KCNMA1: variants seen among roughly 807,000 people sequenced by gnomAD.
KCNMA1 encodes potassium calcium-activated channel subfamily M alpha 1.
In KCNMA1, 29 loss-of-function variants were observed where a neutral mutation model predicts 140.0. The ratio of observed to expected loss-of-function variants is 0.21; its 90% CI spans 0.15 to 0.28. The LOEUF (loss-of-function observed/expected upper bound fraction) is 0.28, where lower values mean the gene tolerates loss of function less well. Ranked by LOEUF, KCNMA1 falls within the 10% of genes least tolerant of loss-of-function variation. The pLI is 1.00. For synonymous variants in KCNMA1, 612 were observed against 611.9 expected (o/e 1.00, Z 0.00); for missense variants, 880 against 1,602.2 (o/e 0.55, Z 7.70).
chr10:77,256,295 A>T (rs765689452), intron 2 of KCNMA1, among the ~76,000 whole-genome samples: 31 of 152,166 alleles, frequency 2.0e-4, no homozygotes, highest in Non-Finnish European at 2.8e-4. Flanking sequence ...TGGGAGGCAG[A>T]TTCAGAGCCA....
intron 1 of KCNMA1, among the ~76,000 whole-genome samples, chr10:77,542,725 A>G (rs2060467839): frequency 6.6e-6 from 1 of 152,128 alleles, no homozygotes; most frequent in Admixed American, 6.5e-5. Flanking sequence ...ACTGGCACAC[A>G]CTCATACTAT....
chr10:77,136,967 G>T (rs2154007750), intron 5 of KCNMA1, among the ~76,000 whole-genome samples: 2 of 152,262 alleles, frequency 1.3e-5, no homozygotes, highest in South Asian at 4.1e-4. Context: ...GAAACTTGCT[G>T]CCCAGGGCCT....
At chr10:77,315,143 G>T (rs1017790834) in intron 2 of KCNMA1, among the ~76,000 whole-genome samples, 1 of 152,280 alleles carries the variant, frequency 6.6e-6, no homozygotes, top group South Asian at 2.1e-4. Flanking sequence ...GAAAAGGCAG[G>T]GAAGGGCATC....
intron 19 of KCNMA1, among the ~76,000 whole-genome samples, chr10:76,999,445 C>T (rs375066447): frequency 2.0e-5 from 3 of 152,110 alleles, no homozygotes; most frequent in African/African-American, 2.4e-5. Context: ...AAGAGTAACC[C>T]GGGGGCTTGT....
intron 3 of KCNMA1, among the ~76,000 whole-genome samples, chr10:77,206,488 A>G (rs2044154649): frequency 6.6e-6 from 1 of 152,148 alleles, no homozygotes; most frequent in East Asian, 1.9e-4. Context: ...GTCATGCGCC[A>G]AACTTCTATC....
intron 1 of KCNMA1, among the ~76,000 whole-genome samples, chr10:77,509,153 C>T (rs2047420994): frequency 6.6e-6 from 1 of 151,728 alleles, no homozygotes; most frequent in Admixed American, 6.6e-5. Context: ...CAGAGTATCA[C>T]TCTGTCACCC....
chr10:77,405,154 T>C (rs923309944), intron 1 of KCNMA1, among the ~76,000 whole-genome samples: 3 of 152,234 alleles, frequency 2.0e-5, no homozygotes, highest in Non-Finnish European at 4.4e-5. Context: ...TGGAATACTC[T>C]TCTCCCACAG....
At chr10:76,951,981 C>T in intron 21 of KCNMA1, 1 of 1,505,760 alleles carries the variant, frequency 6.6e-7, no homozygotes, top group South Asian at 1.2e-5. Context: ...AGTAGGCCTC[C>T]TGGAGATGTT....
chr10:77,131,964 C>CAAAAA (rs34972346), intron 5 of KCNMA1, among the ~76,000 whole-genome samples: 13 of 92,460 alleles, frequency 1.4e-4, no homozygotes, highest in African/African-American at 2.5e-4. Context: ...GACTCGGTCT[C>CAAAAA]AAAAAAAAAA....
At chr10:77,443,326 A>G (rs1013887592) in intron 1 of KCNMA1, among the ~76,000 whole-genome samples, 3 of 152,188 alleles carry the variant, frequency 2.0e-5, no homozygotes, top group African/African-American at 7.2e-5. Context: ...CATAGCCACC[A>G]ACCTCCTTGA....
chr10:77,302,292 C>T (rs1162394551), intron 2 of KCNMA1, among the ~76,000 whole-genome samples: 1 of 152,144 alleles, frequency 6.6e-6, no homozygotes, highest in South Asian at 2.1e-4. Context: ...TGAGAATCCT[C>T]TCTTTTTTGC....
At chr10:77,006,324 C>T (rs922782899) in intron 18 of KCNMA1, among the ~76,000 whole-genome samples, 2 of 152,140 alleles carry the variant, frequency 1.3e-5, no homozygotes, top group Non-Finnish European at 2.9e-5. Context: ...TCAATAGATA[C>T]TTTTCAGGTC....
chr10:77,163,237 A>T (rs1366160941), intron 5 of KCNMA1, among the ~76,000 whole-genome samples: 2 of 152,218 alleles, frequency 1.3e-5, no homozygotes, highest in Non-Finnish European at 2.9e-5. Flanking sequence ...ATGGAATATG[A>T]AAATTGTATG....
intron 20 of KCNMA1, among the ~76,000 whole-genome samples, chr10:76,964,147 AC>A (rs2072909458): frequency 1.3e-5 from 2 of 150,606 alleles, no homozygotes; most frequent in Admixed American, 1.3e-4. Flanking sequence ...ACTGCCCACC[AC>A]CCTCTCCCCA....
chr10:77,059,669 TAAA>T (rs939163945), intron 14 of KCNMA1, among the ~76,000 whole-genome samples: 8 of 151,870 alleles, frequency 5.3e-5, no homozygotes, highest in Non-Finnish European at 1.5e-5. Context: ...TTGAAAAAAA[TAAA>T]ACTCTCACCA....
chr10:77,542,411 A>G (rs542989258), intron 1 of KCNMA1, among the ~76,000 whole-genome samples: 14 of 152,352 alleles, frequency 9.2e-5, no homozygotes, highest in East Asian at 1.9e-4. Flanking sequence ...AGAGAACACA[A>G]TGAACCACAG....
At chr10:77,516,996 C>CA (rs77570923) in intron 1 of KCNMA1, among the ~76,000 whole-genome samples, 6,705 of 85,884 alleles carry the variant, frequency 0.078, 211 homozygotes, top group African/African-American at 0.13. Context: ...GTGTTTTTTA[C>CA]AAAAAAAAAA....
chr10:77,355,775 T>C (rs1345193049), intron 2 of KCNMA1, among the ~76,000 whole-genome samples: 2 of 152,184 alleles, frequency 1.3e-5, no homozygotes, highest in Non-Finnish European at 2.9e-5. Context: ...GTGTTAGGAG[T>C]TCTAGTCTTT....
At chr10:77,094,560 A>G (rs1225324775) in intron 9 of KCNMA1, among the ~76,000 whole-genome samples, 2 of 152,192 alleles carry the variant, frequency 1.3e-5, no homozygotes, top group Non-Finnish European at 2.9e-5. Context: ...GTATCATGAT[A>G]GTCTTAGCAA....
Sources: allele counts gnomAD v4.1 joint callset (sites outside exome capture counted in the v4.1 genomes callset), GRCh38; gene constraint gnomAD v4.1.1; transcripts MANE v1.5; gene names NCBI Gene and HGNC (gene_info 2026-07-23, HGNC 2026-07-21).